The following MVP variants were observed in gnomAD, a reference collection of about 807,000 sequenced individuals.
The protein encoded by MVP is lung resistance-related protein.
MVP carries 62 observed loss-of-function variants against 83.5 expected under a neutral mutation model. The ratio of observed to expected loss-of-function variants is 0.74; its 90% CI spans 0.61 to 0.92. The LOEUF (loss-of-function observed/expected upper bound fraction) is 0.92. Ranked by LOEUF, MVP falls within the 40% of genes least tolerant of loss-of-function variation. The probability of loss-of-function intolerance (pLI) is 0.00; values close to 1 mark genes in which losing one functional copy is unlikely to be tolerated. For synonymous variants in MVP, 505 were observed against 504.1 expected (o/e 1.00, Z -0.02); for missense variants, 1,000 against 1,203.4 (o/e 0.83, Z 2.50).
intron 6 of MVP, among the ~76,000 whole-genome samples, chr16:29,836,185 T>A (rs1233118078): frequency 1.3e-5 from 2 of 151,280 alleles, no homozygotes; most frequent in Admixed American, 1.3e-4. Flanking sequence ...GGAGAATCGC[T>A]TGAACCCCAG....
At chr16:29,836,276 A>C (rs569980152) in intron 6 of MVP, among the ~76,000 whole-genome samples, 1 of 151,820 alleles carries the variant, frequency 6.6e-6, no homozygotes, top group Admixed American at 6.6e-5. Context: ...TCAAAAAAAA[A>C]AAAAAAAAAC....
Position 29,841,546 on chromosome 16 carries a change from TCCTCCCTTCCACCCTTACGGGCAGCTTC to T in MVP, c.1192-42_1192-15del. On this transcript the variant is annotated intron_variant, in intron 8 of 14. Transcript: ENST00000357402. This position sits in a 1 kb window ranked among gnomAD's most constrained non-coding sequence, Gnocchi z 4.7. ...TGCTTTGGGACAGCTGGGCGGATCT[TCCTCCCTTCCACCCTTACGGGCAGCTTC>T]CCTCCCTGTCCTCGTCCCAAGGTGC... The T allele has an allele frequency of 6.6e-7, 1 of 1,523,602 alleles. No individual in the cohort carries two copies. Among genetic ancestry groups the T allele is most frequent in the East Asian group, 2.3e-5 (1 of 44,000 alleles). 94.4% of individuals were successfully genotyped at this position (1,523,602 alleles called of 1,614,324 possible).
chr16:29,831,154 CT>C, intron 3 of MVP, 81 bp downstream of exon 3: 3 of 1,302,830 alleles, frequency 2.3e-6, no homozygotes, highest in South Asian at 1.5e-5. Flanking sequence ...CCTTCTTCTT[CT>C]TTTTTTCTTT....
chr16:29,834,093 TG>T, intron 5 of MVP, 27 bp downstream of exon 5: 2 of 1,608,612 alleles, frequency 1.2e-6, no homozygotes, highest in Non-Finnish European at 1.7e-6. Context: ...GCGATGATGG[TG>T]GGTGGGCAGG....
intron 1 of MVP, 33 bp from the exon 2 acceptor site, chr16:29,830,482 G>T: frequency 6.3e-7 from 1 of 1,580,384 alleles, no homozygotes; most frequent in African/African-American, 1.3e-5. Flanking sequence ...AGGCTCCCCA[G>T]GTTCATCCTG....
chr16:29,834,903 T>C (rs1225438617), intron 5 of MVP: 1 of 144,378 alleles, frequency 6.9e-6, no homozygotes, highest in Non-Finnish European at 1.5e-5. Flanking sequence ...AGAGACAGGG[T>C]TTCACCATGT....
intron 1 of MVP, among the ~76,000 whole-genome samples, chr16:29,829,180 C>T (rs2067423701): frequency 6.6e-6 from 1 of 151,442 alleles, no homozygotes; most frequent in Non-Finnish European, 1.5e-5. Context: ...TTGAGGCCAC[C>T]ACCAGACAAA....
Position 29,836,852 on chromosome 16 carries a change from T to C in MVP, c.803T>C (p.Leu268Pro), listed in dbSNP as rs771341452. 2 of 1,613,860 alleles carry C rather than the reference T, an allele frequency of 1.2e-6. No individual in the cohort carries two copies. The highest frequency in any genetic ancestry group is 3.3e-5 in the Admixed American group (2 of 59,986). ...AHVPDVHEEV[L>P]GVVPITTLGP... is the part of the protein sequence containing the mutation. ...GTGCCAGATGTCCACGAGGAGGTGC[T>C]GGGGGTTGTGCCCATCACCACCCTG... Residue 268 changes from leucine (L) to proline (P), a missense_variant, in exon 7 of 15, where the codon CTG (leucine) becomes CCG (proline). Leu to Pro is a moderately conservative substitution (Grantham distance 98). Transcript: ENST00000357402.
chr16:29,835,608 G>A (rs1001343244), intron 5 of MVP, 96 bp from the exon 6 acceptor site: 6 of 976,760 alleles, frequency 6.1e-6, no homozygotes, highest in Non-Finnish European at 9.3e-6. Flanking sequence ...TTTTGCCTAT[G>A]AAATCTGTCA....
At chr16:29,846,106 T>TG (rs2067582901) in intron 12 of MVP, 52 bp from the exon 13 acceptor site, 2 of 1,600,428 alleles carry the variant, frequency 1.2e-6, no homozygotes, top group Non-Finnish European at 8.5e-7. Context: ...GCCAAGGCCG[T>TG]GGGGGGACTG....
At chr16:29,833,704 T>C (rs758845697) in intron 3 of MVP, 29 bp from the exon 4 acceptor site, 2 of 1,613,294 alleles carry the variant, frequency 1.2e-6, no homozygotes, top group South Asian at 2.2e-5. Flanking sequence ...GCACTGATGG[T>C]TCTGTGTCTC....
rs746504343 is a variant in MVP, at chr16:29,840,397, C to A, written c.1129C>A (p.Arg377Ser). 2 of 1,592,828 alleles carry A rather than the reference C, an allele frequency of 1.3e-6. No individual in the cohort carries two copies. The highest frequency in any genetic ancestry group is 1.7e-6 in the Non-Finnish European group (2 of 1,170,520). Residue 377 changes from arginine (R) to serine (S), a missense_variant, in exon 8 of 15, where the codon CGC (arginine) becomes AGC (serine). Transcript: ENST00000357402. ...TGCCAAAGTGGAGGTGGTGGAGGAG[C>A]GCCAGGCCATCCCTCTAGACGAGAA... is the stretch of plus-strand genomic sequence containing the variant. ...PSAKVEVVEE[R>S]QAIPLDENEG... is the part of the protein sequence containing the mutation.
chr16:29,830,214 G>A (rs545099874), intron 1 of MVP: 20 of 226,672 alleles, frequency 8.8e-5, no homozygotes, highest in South Asian at 4.3e-4. Context: ...TTGCAGTGCC[G>A]GTGGCAGTGT....
chr16:29,832,168 A>C (rs777477427), intron 3 of MVP, among the ~76,000 whole-genome samples: 1 of 152,168 alleles, frequency 6.6e-6, no homozygotes, highest in Non-Finnish European at 1.5e-5. Flanking sequence ...TTTTAGAGAC[A>C]TTCATGTCCA....
intron 1 of MVP, 23 bp from the exon 2 acceptor site, chr16:29,830,492 G>A (rs1385444039): frequency 1.3e-6 from 2 of 1,594,042 alleles, no homozygotes; most frequent in Non-Finnish European, 1.7e-6. Context: ...GGTTCATCCT[G>A]TGTCGTCTCC....
intron 7 of MVP, among the ~76,000 whole-genome samples, chr16:29,838,504 C>T (rs1249441352): frequency 6.6e-6 from 1 of 151,806 alleles, no homozygotes; most frequent in East Asian, 1.9e-4. Context: ...TGTAGCATAT[C>T]CATACAATGG....
At chr16:29,839,233 G>T (rs554365852) in intron 7 of MVP, among the ~76,000 whole-genome samples, 2 of 152,250 alleles carry the variant, frequency 1.3e-5, no homozygotes, top group East Asian at 3.9e-4. Context: ...ACCACATATT[G>T]CATGATTCCA....
chr16:29,823,122 CTTTTT>C (rs66512916), intron 1 of MVP, among the ~76,000 whole-genome samples: 1 of 98,484 alleles, frequency 1.0e-5, no homozygotes, highest in Non-Finnish European at 1.9e-5. Flanking sequence ...CTTTTCTTTT[CTTTTT>C]TTTTTTTTTT....
intron 2 of MVP, 23 bp downstream of exon 2, chr16:29,830,697 G>A (rs2067434871): frequency 6.2e-7 from 1 of 1,612,338 alleles, no homozygotes; most frequent in Non-Finnish European, 8.5e-7. Flanking sequence ...GCTGGGCTGT[G>A]GGGGATCCTT....
Sources: allele counts gnomAD v4.1 joint callset (sites outside exome capture counted in the v4.1 genomes callset), GRCh38; gene constraint gnomAD v4.1.1; non-coding constraint Gnocchi (gnomAD v3.1); transcripts MANE v1.5; gene names NCBI Gene and HGNC (gene_info 2026-07-23, HGNC 2026-07-21).